PTPRR: variants seen among roughly 807,000 people sequenced by gnomAD.
PTPRR encodes receptor-type tyrosine-protein phosphatase R.
PTPRR carries 38 observed loss-of-function variants against 77.2 expected under a neutral mutation model. That is an observed-to-expected ratio of 0.49 (90% CI 0.38 to 0.65). The LOEUF (loss-of-function observed/expected upper bound fraction) is 0.65. PTPRR is among the 30% of genes least tolerant of loss of function. PTPRR has a pLI of 0.00. For synonymous variants in PTPRR, 299 were observed against 283.1 expected (o/e 1.06, Z -0.57); for missense variants, 744 against 799.2 (o/e 0.93, Z 0.83).
chr12:70,872,133 T>C (rs1457644259), intron 2 of PTPRR, among the ~76,000 whole-genome samples: 1 of 152,218 alleles, frequency 6.6e-6, no homozygotes, highest in East Asian at 1.9e-4. Flanking sequence ...AGTTTTTTTT[T>C]CTAAAGTTCA....
chr12:70,685,265 G>T (rs558713978), intron 8 of PTPRR, among the ~76,000 whole-genome samples: 48 of 152,122 alleles, frequency 3.2e-4, no homozygotes, highest in Admixed American at 2.9e-3. Flanking sequence ...TTCCGAGATG[G>T]ATGAGATTAA....
chr12:70,685,728 T>C (rs1398993321), intron 8 of PTPRR, among the ~76,000 whole-genome samples: 1 of 152,180 alleles, frequency 6.6e-6, no homozygotes, highest in Non-Finnish European at 1.5e-5. Context: ...GCTCATAAAA[T>C]AACAAACAAC....
intron 10 of PTPRR, chr12:70,671,824 T>C (rs2136698212): frequency 3.6e-6 from 2 of 561,934 alleles, no homozygotes; most frequent in East Asian, 2.8e-5. Flanking sequence ...GCTGCAGTCA[T>C]TGGTGCCAGT....
intron 13 of PTPRR, among the ~76,000 whole-genome samples, chr12:70,652,733 C>T (rs185240109): frequency 9.2e-5 from 14 of 152,156 alleles, no homozygotes; most frequent in Admixed American, 7.2e-4. Context: ...TGACCATTTG[C>T]TTTAGGAAGG....
chr12:70,670,402 A>G (rs1450446702), intron 10 of PTPRR, among the ~76,000 whole-genome samples: 1 of 152,166 alleles, frequency 6.6e-6, no homozygotes, highest in East Asian at 1.9e-4. Flanking sequence ...GACTCCATCA[A>G]CTCACTAACT....
At chr12:70,696,499 T>C (rs1294321908) in intron 8 of PTPRR, among the ~76,000 whole-genome samples, 1 of 152,186 alleles carries the variant, frequency 6.6e-6, no homozygotes, top group Non-Finnish European at 1.5e-5. Context: ...AAAGTAGTTT[T>C]CTGTGCTCAA....
At chr12:70,669,507 A>C (rs956352886) in intron 10 of PTPRR, among the ~76,000 whole-genome samples, 4 of 149,202 alleles carry the variant, frequency 2.7e-5, no homozygotes, top group Non-Finnish European at 5.9e-5. Flanking sequence ...TATACGAGCT[A>C]TATATATATA....
At chr12:70,647,297 A>G (rs1315726108) in intron 13 of PTPRR, among the ~76,000 whole-genome samples, 3 of 152,250 alleles carry the variant, frequency 2.0e-5, no homozygotes, top group African/African-American at 7.2e-5. Context: ...AAGGAAAACG[A>G]TGAGGAAAAA....
chr12:70,867,541 A>G (rs1423120140), intron 2 of PTPRR, among the ~76,000 whole-genome samples: 8 of 151,998 alleles, frequency 5.3e-5, no homozygotes, highest in African/African-American at 1.9e-4. Flanking sequence ...AAAAGAGGAT[A>G]CAAACAAATG....
At chr12:70,732,246 AG>A (rs1207053980) in intron 6 of PTPRR, among the ~76,000 whole-genome samples, 1 of 152,072 alleles carries the variant, frequency 6.6e-6, no homozygotes. Context: ...TTTTTTTCTT[AG>A]AAACCTTAAG....
chr12:70,683,205 T>C (rs1887738388), intron 10 of PTPRR, among the ~76,000 whole-genome samples: 1 of 152,188 alleles, frequency 6.6e-6, no homozygotes, highest in Non-Finnish European at 1.5e-5. Flanking sequence ...AAATTCTTAC[T>C]GTCATGGTGA....
intron 1 of PTPRR, among the ~76,000 whole-genome samples, chr12:70,900,782 T>C (rs561372436): frequency 2.0e-5 from 3 of 151,700 alleles, no homozygotes; most frequent in African/African-American, 7.2e-5. Flanking sequence ...ATGCTCAGCA[T>C]CACTAACCAT....
chr12:70,790,224 C>T (rs1464606033), intron 2 of PTPRR, among the ~76,000 whole-genome samples: 1 of 151,846 alleles, frequency 6.6e-6, no homozygotes, highest in Non-Finnish European at 1.5e-5. Flanking sequence ...AAAGAGTTGC[C>T]CATATTTATT....
chr12:70,663,442 C>T (rs916747165), intron 10 of PTPRR, among the ~76,000 whole-genome samples: 2 of 152,102 alleles, frequency 1.3e-5, no homozygotes, highest in Admixed American at 6.5e-5. Flanking sequence ...TAGGATAAAG[C>T]CAGGCATAGA....
At chr12:70,915,227 ATACAT>A (rs1893758370) in intron 1 of PTPRR, among the ~76,000 whole-genome samples, 1 of 152,254 alleles carries the variant, frequency 6.6e-6, no homozygotes, top group Non-Finnish European at 1.5e-5. Context: ...TAACAAGAAC[ATACAT>A]TACAATAACC....
rs553401990 is a variant in PTPRR, at chr12:70,865,574, T to A, written c.357+27105A>T. 1.1e-3 allele frequency among the ~76,000 whole-genome samples: 174 copies of A among 152,286 alleles called. 1 individual carries two copies. The highest frequency in any genetic ancestry group is 3.9e-3 in the African/African-American group (163 of 41,560). Reference sequence around the variant, plus strand: ...GAAATATCCAAAGGGAAGATCCAGCTAACCTACAAATCTTAGGATGATACT... The same window carrying A: ...GAAATATCCAAAGGGAAGATCCAGCAAACCTACAAATCTTAGGATGATACT... On this transcript the variant is annotated intron_variant, in intron 2 of 13. Coordinates refer to ENST00000283228, the MANE Select transcript of PTPRR (RefSeq NM_002849.4).
chr12:70,782,073 T>A (rs1040197907), intron 2 of PTPRR, among the ~76,000 whole-genome samples: 1 of 152,196 alleles, frequency 6.6e-6, no homozygotes, highest in Non-Finnish European at 1.5e-5. Flanking sequence ...TGAGAAAAGA[T>A]ACCCAAATTT....
At chr12:70,841,094 C>T (rs1486513674) in intron 2 of PTPRR, among the ~76,000 whole-genome samples, 1 of 150,662 alleles carries the variant, frequency 6.6e-6, no homozygotes, top group Non-Finnish European at 1.5e-5. Flanking sequence ...CTGCACTAAA[C>T]CTTTTCCCTG....
chr12:70,885,758 T>A (rs1267265900), intron 2 of PTPRR, among the ~76,000 whole-genome samples: 2 of 152,106 alleles, frequency 1.3e-5, no homozygotes, highest in African/African-American at 4.8e-5. Flanking sequence ...GATCTCGATC[T>A]ACTGACCACG....
Sources: allele counts gnomAD v4.1 joint callset (sites outside exome capture counted in the v4.1 genomes callset), GRCh38; gene constraint gnomAD v4.1.1; transcripts MANE v1.5; gene names NCBI Gene and HGNC (gene_info 2026-07-23, HGNC 2026-07-21).